LRMDA: variants seen among roughly 807,000 people sequenced by gnomAD.
The protein encoded by LRMDA is leucine-rich melanocyte differentiation-associated protein.
In LRMDA, 18 loss-of-function variants were observed where a neutral mutation model predicts 29.8. The ratio of observed to expected loss-of-function variants is 0.60; its 90% confidence interval spans 0.42 to 0.90. The LOEUF is 0.90. Among genes scored for constraint, LRMDA ranks in the 40% least tolerant of loss-of-function variants. The pLI, the probability that LRMDA is intolerant of heterozygous loss-of-function variation, is 0.00. For synonymous variants in LRMDA, 125 were observed against 109.4 expected (o/e 1.14, Z -0.89); for missense variants, 273 against 273.9 (o/e 1.00, Z 0.02).
intron 2 of LRMDA, among the ~76,000 whole-genome samples, chr10:75,746,722 A>G (rs1437466965): frequency 6.6e-6 from 1 of 152,054 alleles, no homozygotes; most frequent in Non-Finnish European, 1.5e-5. Flanking sequence ...AGAGAGTGCT[A>G]TTTTTGGGGG....
At chr10:75,828,803 A>T (rs1844289231) in intron 2 of LRMDA, among the ~76,000 whole-genome samples, 1 of 152,202 alleles carries the variant, frequency 6.6e-6, no homozygotes, top group Non-Finnish European at 1.5e-5. Context: ...GTTCTCATGA[A>T]TGCTGCTCCA....
intron 6 of LRMDA, among the ~76,000 whole-genome samples, chr10:76,367,416 T>A (rs963745177): frequency 1.3e-4 from 12 of 90,104 alleles, no homozygotes; most frequent in Admixed American, 6.1e-4. Context: ...TTGTTTTAAT[T>A]TTTTTAATTT....
intron 2 of LRMDA, among the ~76,000 whole-genome samples, chr10:75,713,703 T>G (rs1433808857): frequency 2.0e-5 from 3 of 152,220 alleles, no homozygotes; most frequent in Non-Finnish European, 4.4e-5. Flanking sequence ...TTTGAGAGTC[T>G]TCTTTTCCTT....
At chr10:75,656,104 G>A (rs920265256) in intron 2 of LRMDA, among the ~76,000 whole-genome samples, 9 of 152,188 alleles carry the variant, frequency 5.9e-5, no homozygotes, top group Non-Finnish European at 1.2e-4. Flanking sequence ...GTTCACCATA[G>A]TTCACATTCT....
intron 2 of LRMDA, among the ~76,000 whole-genome samples, chr10:75,775,183 G>A (rs1480807104): frequency 6.6e-6 from 1 of 152,224 alleles, no homozygotes; most frequent in Non-Finnish European, 1.5e-5. Context: ...TATAGGAAGA[G>A]GTCAGATTTA....
At chr10:75,860,146 G>C (rs1292074653) in intron 2 of LRMDA, among the ~76,000 whole-genome samples, 1 of 152,038 alleles carries the variant, frequency 6.6e-6, no homozygotes, top group Non-Finnish European at 1.5e-5. Flanking sequence ...AACTGGCTAA[G>C]AGTATTTCAC....
intron 2 of LRMDA, among the ~76,000 whole-genome samples, chr10:75,850,993 T>TA (rs980239365): frequency 6.6e-6 from 1 of 152,102 alleles, no homozygotes; most frequent in Non-Finnish European, 1.5e-5. Context: ...ATAACAGCTT[T>TA]AAAAAAAATT....
intron 2 of LRMDA, among the ~76,000 whole-genome samples, chr10:75,654,994 C>T (rs925126688): frequency 5.9e-5 from 9 of 152,136 alleles, no homozygotes; most frequent in African/African-American, 9.7e-5. Context: ...TTCTGGCAAG[C>T]GGACTGGATT....
At chr10:76,029,361 G>A (rs899279491) in intron 2 of LRMDA, among the ~76,000 whole-genome samples, 3 of 152,180 alleles carry the variant, frequency 2.0e-5, no homozygotes, top group Non-Finnish European at 4.4e-5. Flanking sequence ...AAAATTATAA[G>A]CCTTGACAAT....
At chr10:75,638,584 CA>C (rs1841415413) in intron 2 of LRMDA, among the ~76,000 whole-genome samples, 1 of 152,198 alleles carries the variant, frequency 6.6e-6, no homozygotes, top group Non-Finnish European at 1.5e-5. Context: ...TGATGTCCAG[CA>C]TATATTTTGC....
intron 2 of LRMDA, among the ~76,000 whole-genome samples, chr10:75,631,421 C>T (rs1288128011): frequency 6.6e-6 from 1 of 151,870 alleles, no homozygotes; most frequent in Non-Finnish European, 1.5e-5. Flanking sequence ...CGCCCCGCCA[C>T]CCAACATGTT....
At chr10:76,085,860 A>T (rs1849125478) in intron 5 of LRMDA, among the ~76,000 whole-genome samples, 1 of 152,060 alleles carries the variant, frequency 6.6e-6, no homozygotes, top group South Asian at 2.1e-4. Context: ...CCTCTTCCTC[A>T]TGAAGGATTT....
intron 6 of LRMDA, among the ~76,000 whole-genome samples, chr10:76,403,734 A>G (rs879646975): frequency 2.0e-5 from 3 of 152,090 alleles, no homozygotes; most frequent in Non-Finnish European, 4.4e-5. Flanking sequence ...TATTTTGTTC[A>G]TGATGGTTAT....
chr10:75,556,486 G>A (rs1840214947), intron 2 of LRMDA, among the ~76,000 whole-genome samples: 2 of 152,170 alleles, frequency 1.3e-5, no homozygotes, highest in South Asian at 4.1e-4. Context: ...CGTCACATCT[G>A]CGTGCCAGGA....
In LRMDA at chr10:75,431,685, C is replaced by G. The variant is rs1465253998; in HGVS notation, c.-40C>G. On this transcript the variant is annotated 5_prime_UTR_variant, in exon 1 of 7. Coordinates refer to ENST00000611255, the MANE Select transcript of LRMDA (RefSeq NM_001305581.2). ...CGCTCCCCGCTGCTGCCGCCGCGCC[C>G]CCGCGCTCCGTCCCGCGCGCCCGCA... 2.9e-5 allele frequency: 37 copies of G among 1,277,974 alleles called. No homozygotes were observed. Among genetic ancestry groups the G allele is most frequent in the Admixed American group, 4.1e-5 (1 of 24,492 alleles). The allele number at this position is 1,277,974 out of a possible 1,614,324, so 79.2% of individuals were successfully genotyped here.
At chr10:76,044,912 CT>C (rs1239243197) in intron 3 of LRMDA, among the ~76,000 whole-genome samples, 1 of 152,228 alleles carries the variant, frequency 6.6e-6, no homozygotes, top group Admixed American at 6.5e-5. Flanking sequence ...GCTAGTTTCC[CT>C]CTCTTGCTAG....
At chr10:75,589,631 G>C (rs1374283614) in intron 2 of LRMDA, among the ~76,000 whole-genome samples, 1 of 152,102 alleles carries the variant, frequency 6.6e-6, no homozygotes, top group African/African-American at 2.4e-5. Context: ...GTGAGTGTTA[G>C]TATGAGCCTA....
chr10:76,192,905 T>C (rs1202128939), intron 5 of LRMDA, among the ~76,000 whole-genome samples: 1 of 152,234 alleles, frequency 6.6e-6, no homozygotes, highest in African/African-American at 2.4e-5. Context: ...TGAAAAGGTA[T>C]GCATATATCC....
At chr10:76,012,570 G>A (rs1057212233) in intron 2 of LRMDA, among the ~76,000 whole-genome samples, 4 of 151,986 alleles carry the variant, frequency 2.6e-5, no homozygotes, top group African/African-American at 7.3e-5. Context: ...CTCTTCCCCC[G>A]ACCCCTGTAA....
Sources: allele counts gnomAD v4.1 joint callset (sites outside exome capture counted in the v4.1 genomes callset), GRCh38; gene constraint gnomAD v4.1.1; transcripts MANE v1.5; gene names NCBI Gene and HGNC (gene_info 2026-07-23, HGNC 2026-07-21).